PPM1H: variants seen among roughly 807,000 people sequenced by gnomAD.
PPM1H encodes the protein protein phosphatase 1H.
PPM1H carries 27 observed loss-of-function variants against 54.9 expected under a neutral mutation model. The ratio of observed to expected loss-of-function variants is 0.49; its 90% CI spans 0.36 to 0.68. PPM1H has a LOEUF of 0.68. Ranked by LOEUF, PPM1H falls within the 30% of genes least tolerant of loss-of-function variation. PPM1H has a pLI of 0.00. For synonymous variants in PPM1H, 305 were observed against 270.8 expected, an observed-to-expected ratio of 1.13 and a Z score of -1.24; for missense variants, 596 against 667.8, an observed-to-expected ratio of 0.89 and a Z score of 1.19.
rs539531224 is a variant in PPM1H at position 62,786,913 on chromosome 12, G to A, written c.869+1313C>T. On this transcript the variant is annotated intron_variant, in intron 4 of 9. Transcript: ENST00000228705. ...TGTAATTACATTTCATGTAATACACGTTAGAATATTTGTTGTAAAATGTAT... is the reference window on the plus strand; with the variant it reads ...TGTAATTACATTTCATGTAATACACATTAGAATATTTGTTGTAAAATGTAT... Among the ~76,000 whole-genome samples, 5 of 152,264 alleles carry A rather than the reference G, an allele frequency of 3.3e-5. No individual in the cohort carries two copies. In the South Asian group the frequency reaches 1.0e-3, roughly 32 times the overall value.
intron 8 of PPM1H, among the ~76,000 whole-genome samples, chr12:62,675,757 GA>G: frequency 6.6e-6 from 1 of 152,314 alleles, no homozygotes; most frequent in East Asian, 1.9e-4. Context: ...CATTGGGACT[GA>G]AAAAATCAGT....
intron 1 of PPM1H, among the ~76,000 whole-genome samples, chr12:62,898,038 C>T (rs1243411739): frequency 3.9e-5 from 6 of 152,178 alleles, no homozygotes; most frequent in Admixed American, 1.3e-4. Context: ...TCCAGCCCAG[C>T]CCAGCTTGGG....
chr12:62,855,214 C>G (rs1415269922), intron 1 of PPM1H, among the ~76,000 whole-genome samples: 1 of 152,140 alleles, frequency 6.6e-6, no homozygotes, highest in Non-Finnish European at 1.5e-5. Context: ...CCTCTCGCTT[C>G]CTGGCAAACC....
intron 1 of PPM1H, among the ~76,000 whole-genome samples, chr12:62,879,159 T>C (rs1333590561): frequency 6.6e-6 from 1 of 152,172 alleles, no homozygotes; most frequent in African/African-American, 2.4e-5. Context: ...TGAGTCACCG[T>C]TTAGCAGGAA....
chr12:62,672,009 G>A (rs1184423491), intron 8 of PPM1H, among the ~76,000 whole-genome samples: 1 of 152,212 alleles, frequency 6.6e-6, no homozygotes, highest in Non-Finnish European at 1.5e-5. Flanking sequence ...ACACTAGACT[G>A]TAAACACCAT....
chr12:62,806,362 T>C (rs1444602620), intron 2 of PPM1H, among the ~76,000 whole-genome samples: 1 of 152,232 alleles, frequency 6.6e-6, no homozygotes, highest in Non-Finnish European at 1.5e-5. Flanking sequence ...ATTTGAGCAC[T>C]TTCTATGCAA....
At chr12:62,807,842 C>T (rs1014656927) in intron 2 of PPM1H, among the ~76,000 whole-genome samples, 2 of 152,112 alleles carry the variant, frequency 1.3e-5, no homozygotes, top group Admixed American at 6.5e-5. Context: ...AAAACCTTCC[C>T]ATCACTTATT....
intron 1 of PPM1H, among the ~76,000 whole-genome samples, chr12:62,902,912 T>A (rs1871200249): frequency 6.6e-6 from 1 of 152,210 alleles, no homozygotes; most frequent in African/African-American, 2.4e-5. Flanking sequence ...CATACAGGCC[T>A]ATCTCCTATG....
rs5798665 is a variant in PPM1H at position 62,890,717 on chromosome 12, TACACACACACACACACAC to T, written c.245+43757_245+43774del. 4.3e-3 allele frequency among the ~76,000 whole-genome samples: 620 copies of T among 143,290 alleles called. 14 individuals are homozygous for T. Among genetic ancestry groups the T allele is most frequent in the African/African-American group, 0.015 (591 of 39,316 alleles). 94.0% of individuals were successfully genotyped at this position (143,290 alleles called of 152,430 possible). On this transcript the variant is annotated intron_variant, in intron 1 of 9. Transcript: ENST00000228705. ...TATAATATCATTTCGTGTGTGTGTA[TACACACACACACACACAC>T]ACACACACACACACACACACATATA... is the stretch of plus-strand genomic sequence containing the variant.
chr12:62,800,253 T>C (rs1038574616), intron 3 of PPM1H, among the ~76,000 whole-genome samples: 1 of 152,178 alleles, frequency 6.6e-6, no homozygotes, highest in African/African-American at 2.4e-5. Context: ...CATGTGCCTA[T>C]CCGGTTCTGG....
intron 6 of PPM1H, among the ~76,000 whole-genome samples, chr12:62,707,045 G>A (rs1247748166): frequency 1.3e-5 from 2 of 152,132 alleles, no homozygotes; most frequent in Non-Finnish European, 2.9e-5. Context: ...TTCATACCTA[G>A]GTGCCCAGTT....
chr12:62,831,911 C>A (rs1351533868), intron 2 of PPM1H, among the ~76,000 whole-genome samples: 2 of 151,608 alleles, frequency 1.3e-5, no homozygotes, highest in Non-Finnish European at 2.9e-5. Context: ...TGTTAAAAAC[C>A]TAACCACAAG....
At chr12:62,688,584 A>AT (rs1465551482) in intron 8 of PPM1H, among the ~76,000 whole-genome samples, 1 of 152,078 alleles carries the variant, frequency 6.6e-6, no homozygotes, top group Non-Finnish European at 1.5e-5. Flanking sequence ...AAGACACATG[A>AT]TTTTTTTTAA....
At position 62,656,602 on chromosome 12, in the gene PPM1H, C is replaced by A. The variant is rs12422855; in HGVS notation, c.1398-7966G>T. 1.5e-3 allele frequency among the ~76,000 whole-genome samples: 229 copies of A among 152,158 alleles called. 3 individuals carry two copies. Among genetic ancestry groups the A allele is most frequent in the Admixed American group, 0.014 (219 of 15,286 alleles). ...TTGTTGGGTGGGAACTTCAATTTGCCATTTGGATGGTACAGACAGGGTCTT... is the reference window on the plus strand; with the variant it reads ...TTGTTGGGTGGGAACTTCAATTTGCAATTTGGATGGTACAGACAGGGTCTT... On this transcript the variant is annotated intron_variant, in intron 9 of 9. Transcript: ENST00000228705.
intron 8 of PPM1H, among the ~76,000 whole-genome samples, chr12:62,677,394 G>A (rs992379557): frequency 6.6e-6 from 1 of 152,194 alleles, no homozygotes; most frequent in Admixed American, 6.5e-5. Flanking sequence ...AAAGAGCCAT[G>A]GCCCTTTGGG....
intron 9 of PPM1H, among the ~76,000 whole-genome samples, chr12:62,658,056 CAAAAAAA>C (rs34769800): frequency 6.5e-5 from 7 of 107,324 alleles, no homozygotes; most frequent in Non-Finnish European, 1.1e-4. Flanking sequence ...ATCCAGGTTA[CAAAAAAA>C]AAAAAAAAAA....
At chr12:62,817,819 A>G (rs1195503727) in intron 2 of PPM1H, among the ~76,000 whole-genome samples, 2 of 152,070 alleles carry the variant, frequency 1.3e-5, no homozygotes, top group Admixed American at 6.6e-5. Flanking sequence ...TTTTGATCCT[A>G]TTTGCCTGGA....
chr12:62,843,572 C>T (rs965520479), intron 1 of PPM1H, among the ~76,000 whole-genome samples: 3 of 152,148 alleles, frequency 2.0e-5, no homozygotes, highest in Non-Finnish European at 2.9e-5. Context: ...GCACAACAGA[C>T]TATAAATAAA....
intron 9 of PPM1H, among the ~76,000 whole-genome samples, chr12:62,663,334 T>TTA (rs1555187247): frequency 1.3e-5 from 2 of 149,662 alleles, no homozygotes; most frequent in Non-Finnish European, 3.0e-5. Context: ...AATTCTCTTT[T>TTA]AAAAAAAAAA....
Sources: allele counts gnomAD v4.1 joint callset (sites outside exome capture counted in the v4.1 genomes callset), GRCh38; gene constraint gnomAD v4.1.1; transcripts MANE v1.5; gene names NCBI Gene and HGNC (gene_info 2026-07-23, HGNC 2026-07-21).